Variants in ANXA8 observed in about 807,000 individuals in gnomAD.
ANXA8 encodes annexin A8.
Under a neutral mutation model 26.8 loss-of-function variants are expected in ANXA8, and 9 were observed. The ratio of observed to expected loss-of-function variants is 0.34; its 90% CI spans 0.20 to 0.59. The LOEUF (loss-of-function observed/expected upper bound fraction) is 0.59. Among genes scored for constraint, ANXA8 ranks in the 20% least tolerant of loss-of-function variants. The pLI, the probability that ANXA8 is intolerant of heterozygous loss-of-function variation, is 0.84. For missense variants in ANXA8, 83 were observed against 238.5 expected (o/e 0.35, Z 4.29); for synonymous variants, 39 against 94.8 (o/e 0.41, Z 3.42).
At chr10:47,687,620 A>G in the ANXA8 span, among the ~76,000 whole-genome samples, 1 of 151,874 alleles carries the variant, frequency 6.6e-6, no homozygotes, top group Non-Finnish European at 1.5e-5. Context: ...TGACATATTA[A>G]TGTATTTTGA....
chr10:47,594,237 T>C, the ANXA8 span, among the ~76,000 whole-genome samples: 1 of 150,266 alleles, frequency 6.7e-6, no homozygotes, highest in Non-Finnish European at 1.5e-5. Flanking sequence ...ATCCTATTAC[T>C]TCGGTACCTA....
chr10:47,769,229 A>T, the ANXA8 span, among the ~76,000 whole-genome samples: 1 of 149,284 alleles, frequency 6.7e-6, no homozygotes. Context: ...CCATTTGAGC[A>T]TGAAACCTCT....
the ANXA8 span, among the ~76,000 whole-genome samples, chr10:47,595,032 C>A: frequency 1.3e-5 from 2 of 148,946 alleles, 1 homozygote; most frequent in African/African-American, 5.2e-5. Context: ...AGCAACACTA[C>A]CTACAAAGGG....
the ANXA8 span, among the ~76,000 whole-genome samples, chr10:47,589,920 G>GATAA: frequency 7.0e-6 from 1 of 143,208 alleles, no homozygotes; most frequent in East Asian, 2.0e-4. Flanking sequence ...TAGATAGATA[G>GATAA]ATAGATAGAT....
the ANXA8 span, among the ~76,000 whole-genome samples, chr10:47,707,324 G>T: frequency 7.0e-6 from 1 of 143,160 alleles, no homozygotes; most frequent in South Asian, 2.2e-4. Flanking sequence ...AAATAATTAT[G>T]ATGAAGCCCT....
the ANXA8 span, chr10:47,581,146 C>T: frequency 9.3e-6 from 3 of 321,652 alleles, no homozygotes; most frequent in African/African-American, 2.3e-5. Flanking sequence ...TCTACCATAG[C>T]ACAAATGTCA....
At chr10:47,496,785 A>C in the ANXA8 span, among the ~76,000 whole-genome samples, 1 of 149,382 alleles carries the variant, frequency 6.7e-6, no homozygotes. Context: ...CCATGATTGG[A>C]CTGAAGTTAC....
chr10:47,702,636 C>T, the ANXA8 span, among the ~76,000 whole-genome samples: 48 of 151,666 alleles, frequency 3.2e-4, no homozygotes, highest in Non-Finnish European at 4.6e-4. Context: ...CCACCGTGCC[C>T]GGCCTCTCTT....
At chr10:47,580,464 G>T in the ANXA8 span, among the ~76,000 whole-genome samples, 5 of 151,186 alleles carry the variant, frequency 3.3e-5, no homozygotes, top group African/African-American at 1.2e-4. Context: ...GGCCACATGT[G>T]TTGGCTCACA....
the ANXA8 span, among the ~76,000 whole-genome samples, chr10:47,644,683 T>TGAAA: frequency 1.5e-4 from 23 of 151,778 alleles, no homozygotes; most frequent in Admixed American, 1.2e-3. Context: ...CTATTTAGTT[T>TGAAA]TATTAACTAA....
the ANXA8 span, among the ~76,000 whole-genome samples, chr10:47,624,063 G>A: frequency 2.0e-5 from 2 of 99,986 alleles, no homozygotes; most frequent in Non-Finnish European, 4.2e-5. Flanking sequence ...GGTGAAACCC[G>A]GTCTCTACTA....
the ANXA8 span, among the ~76,000 whole-genome samples, chr10:47,686,797 T>C: frequency 6.6e-6 from 1 of 151,926 alleles, no homozygotes; most frequent in Non-Finnish European, 1.5e-5. Context: ...AACTGACCTT[T>C]GGATTTGGCT....
the ANXA8 span, among the ~76,000 whole-genome samples, chr10:47,720,358 A>G: frequency 3.4e-5 from 5 of 145,564 alleles, no homozygotes; most frequent in Non-Finnish European, 7.5e-5. Flanking sequence ...CTAAATGCTC[A>G]TAAATAACTC....
the ANXA8 span, chr10:47,706,678 T>G: frequency 7.6e-7 from 1 of 1,315,742 alleles, no homozygotes; most frequent in African/African-American, 1.4e-5. Flanking sequence ...GCTGTTGATG[T>G]TTTTCGAAGG....
At chr10:47,687,260 C>T in the ANXA8 span, among the ~76,000 whole-genome samples, 5 of 150,564 alleles carry the variant, frequency 3.3e-5, no homozygotes, top group African/African-American at 1.2e-4. Context: ...GTATTCCCAC[C>T]AACATTTTTT....
the ANXA8 span, among the ~76,000 whole-genome samples, chr10:47,685,932 T>C: frequency 6.7e-6 from 1 of 149,040 alleles, no homozygotes; most frequent in African/African-American, 2.5e-5. Flanking sequence ...ATGTCGTATA[T>C]GCCTTTTAAA....
the ANXA8 span, among the ~76,000 whole-genome samples, chr10:47,626,885 A>G: frequency 6.7e-6 from 1 of 149,828 alleles, no homozygotes; most frequent in Non-Finnish European, 1.5e-5. Flanking sequence ...ATTATTTTCC[A>G]TTTTCCATTT....
the ANXA8 span, among the ~76,000 whole-genome samples, chr10:47,894,777 T>C: frequency 6.7e-6 from 1 of 149,338 alleles, no homozygotes; most frequent in Non-Finnish European, 1.5e-5. Context: ...ACACCACACA[T>C]CACAGCACAC....
the ANXA8 span, among the ~76,000 whole-genome samples, chr10:47,587,180 G>A: frequency 6.9e-6 from 1 of 145,700 alleles, no homozygotes; most frequent in Admixed American, 6.8e-5. Flanking sequence ...CTCCAACCTG[G>A]GTGACAGAGG....
Sources: gnomAD v4.1 joint callset for allele counts (sites outside exome capture counted in the v4.1 genomes callset) on GRCh38, gnomAD v4.1.1 for gene constraint, MANE v1.5 for transcripts, NCBI Gene and HGNC (gene_info 2026-07-23, HGNC 2026-07-21) for gene names.